The following RAD51B variants were observed in gnomAD, a reference collection of about 807,000 sequenced individuals.
RAD51B encodes RAD51 paralog B.
A neutral mutation model predicts 42.2 loss-of-function variants in RAD51B; 38 were observed. That is an observed-to-expected ratio of 0.90 (90% CI 0.70 to 1.18). The LOEUF (loss-of-function observed/expected upper bound fraction) is 1.18, where lower values mean the gene tolerates loss of function less well. RAD51B is among the 50% of genes most tolerant of loss of function. The pLI is 0.00. For missense variants in RAD51B, 373 were observed against 400.7 expected (o/e 0.93, Z 0.59); for synonymous variants, 154 against 145.2 (o/e 1.06, Z -0.43).
chr14:67,878,762 T>A (rs2042810235), intron 5 of RAD51B, among the ~76,000 whole-genome samples: 1 of 152,166 alleles, frequency 6.6e-6, no homozygotes, highest in African/African-American at 2.4e-5. Context: ...TGCAGTGGTG[T>A]GATCTTGGTT....
chr14:68,431,007 A>G (rs1443393113), intron 9 of RAD51B, among the ~76,000 whole-genome samples: 5 of 152,210 alleles, frequency 3.3e-5, no homozygotes, highest in Non-Finnish European at 7.3e-5. Flanking sequence ...TACCGATATA[A>G]TCATGTGGTT....
At chr14:68,563,075 G>C (rs1229998246) in intron 10 of RAD51B, 2 of 985,358 alleles carry the variant, frequency 2.0e-6, no homozygotes, top group African/African-American at 3.5e-5. Context: ...GGCAGAGGCT[G>C]GCAGAAAAGC....
At chr14:68,633,041 A>G in intron 10 of RAD51B, among the ~76,000 whole-genome samples, 1 of 127,060 alleles carries the variant, frequency 7.9e-6, no homozygotes, top group Admixed American at 1.0e-4. Context: ...CTGGTCTTGA[A>G]CACATGGGCT....
intron 10 of RAD51B, among the ~76,000 whole-genome samples, chr14:68,550,545 C>G (rs985843096): frequency 2.6e-5 from 4 of 152,186 alleles, no homozygotes. Context: ...AGATGCGCCT[C>G]TTGTGTAAAC....
chr14:68,650,871 G>A, intron 11 of RAD51B: 2 of 747,092 alleles, frequency 2.7e-6, no homozygotes, highest in East Asian at 2.4e-5. Flanking sequence ...GAACAAAATA[G>A]CATTCTCCCT....
chr14:68,540,194 AT>A, intron 10 of RAD51B: 1 of 781,474 alleles, frequency 1.3e-6, no homozygotes, highest in Non-Finnish European at 1.5e-6. Context: ...TTTTTTTTAA[AT>A]ACAGGATCTA....
intron 10 of RAD51B, chr14:68,562,174 G>A (rs981612611): frequency 6.1e-6 from 6 of 985,244 alleles, no homozygotes; most frequent in South Asian, 9.4e-5. Flanking sequence ...CGCTTACAAC[G>A]CATCAAATTT....
At chr14:68,244,577 A>G (rs2141008762) in intron 7 of RAD51B, among the ~76,000 whole-genome samples, 1 of 152,292 alleles carries the variant, frequency 6.6e-6, no homozygotes, top group African/African-American at 2.4e-5. Context: ...ATTGTTAGAG[A>G]ATAATTAGAG....
intron 4 of RAD51B, among the ~76,000 whole-genome samples, chr14:67,856,508 A>C (rs747127244): frequency 3.3e-5 from 5 of 152,202 alleles, no homozygotes; most frequent in Non-Finnish European, 7.3e-5. Context: ...GAGGTCATTA[A>C]AAAATATTTT....
intron 8 of RAD51B, among the ~76,000 whole-genome samples, chr14:68,334,984 CAA>C (rs1444290144): frequency 6.9e-6 from 1 of 145,978 alleles, no homozygotes; most frequent in African/African-American, 2.5e-5. Flanking sequence ...AAAAAACAAA[CAA>C]GAACTGAAGA....
chr14:68,047,933 G>A lies in RAD51B; in HGVS notation c.756+160729G>A, dbSNP rs560082111. On this transcript the variant is annotated intron_variant, in intron 7 of 10. Transcript: ENST00000471583. ...TTTAAAAAATGAAATATTTTTAACC[G>A]AAATGTTATCTAGTGTTTAGTGTGT... Among the ~76,000 whole-genome samples the A allele has an allele frequency of 2.5e-3, 379 of 152,162 alleles. 1 individual carries two copies. The highest frequency in any genetic ancestry group is 8.6e-3 in the African/African-American group (357 of 41,518).
intron 8 of RAD51B, among the ~76,000 whole-genome samples, chr14:68,306,982 C>T (rs1391286932): frequency 6.6e-6 from 1 of 151,102 alleles, no homozygotes; most frequent in Non-Finnish European, 1.5e-5. Flanking sequence ...CATGACAGCT[C>T]CTCTTGGATT....
intron 9 of RAD51B, among the ~76,000 whole-genome samples, chr14:68,411,795 T>C (rs1183720883): frequency 6.6e-6 from 1 of 152,212 alleles, no homozygotes; most frequent in Non-Finnish European, 1.5e-5. Flanking sequence ...ACCACACCTC[T>C]AAGGGTATCC....
At position 68,650,757 on chromosome 14, in the gene RAD51B, C is replaced by T. The variant is rs747637474; in HGVS notation, c.1037-24C>T. The T allele has an allele frequency of 5.3e-6, 4 of 748,472 alleles. No individual in the cohort carries two copies. In the African/African-American group the frequency reaches 6.8e-5, roughly 13 times the overall value. The allele number at this position is 748,472 out of a possible 1,614,324, so 46.4% of individuals were successfully genotyped here. A position where few individuals can be genotyped will look rare whatever the true frequency, so the allele number is the denominator to read the frequency against. ...ATAGGAAAAGCTAGGTTCCTTACAA[C>T]CTATTTACTTTTTGTTTACACAGAA... On this transcript the variant is annotated intron_variant, in intron 10 of 11. Coordinates refer to the RAD51B transcript ENST00000488612.
At chr14:68,609,040 C>T (rs1891567709) in intron 10 of RAD51B, among the ~76,000 whole-genome samples, 1 of 152,200 alleles carries the variant, frequency 6.6e-6, no homozygotes, top group Non-Finnish European at 1.5e-5. Flanking sequence ...CACTCTCTGG[C>T]CGCAGCTTCC....
rs76453421 is a variant in RAD51B at position 68,063,189 on chromosome 14, A to G, written c.756+175985A>G. On this transcript the variant is annotated intron_variant, in intron 7 of 10. Transcript: ENST00000471583. ...TATCTTTTTGAAAATGCAACTTTCC[A>G]TCTTGGTCTTTTGGTTTTTTAAGTC... is the stretch of plus-strand genomic sequence containing the variant. Among the ~76,000 whole-genome samples the G allele has an allele frequency of 5.7e-3, 861 of 151,656 alleles. 11 individuals carry two copies. The highest frequency in any genetic ancestry group is 0.02 in the African/African-American group (822 of 41,340).
At chr14:68,006,490 A>G (rs1207744958) in intron 7 of RAD51B, among the ~76,000 whole-genome samples, 1 of 152,094 alleles carries the variant, frequency 6.6e-6, no homozygotes, top group Non-Finnish European at 1.5e-5. Flanking sequence ...ATTAGTTGCT[A>G]TCGCTTTAAA....
intron 7 of RAD51B, among the ~76,000 whole-genome samples, chr14:68,098,686 G>T (rs910824921): frequency 1.3e-5 from 2 of 152,146 alleles, no homozygotes; most frequent in African/African-American, 4.8e-5. Flanking sequence ...CTCCCACCAG[G>T]TCCCTCCCAC....
intron 7 of RAD51B, among the ~76,000 whole-genome samples, chr14:67,977,786 T>C (rs2075022943): frequency 6.6e-6 from 1 of 152,194 alleles, no homozygotes; most frequent in Non-Finnish European, 1.5e-5. Flanking sequence ...TTGTGTTCCA[T>C]AATATTCTTG....
Sources: allele counts gnomAD v4.1 joint callset (sites outside exome capture counted in the v4.1 genomes callset), GRCh38; gene constraint gnomAD v4.1.1; transcripts MANE v1.5; gene names NCBI Gene and HGNC (gene_info 2026-07-23, HGNC 2026-07-21).